PTPRO: variants seen among roughly 807,000 people sequenced by gnomAD.
The protein encoded by PTPRO is protein tyrosine phosphatase receptor type O.
A neutral mutation model predicts 145.2 loss-of-function variants in PTPRO; 62 were observed. The ratio of observed to expected loss-of-function variants is 0.43; its 90% confidence interval spans 0.35 to 0.53. The LOEUF is 0.53. Ranked by LOEUF, PTPRO falls within the 20% of genes least tolerant of loss-of-function variation. The probability of loss-of-function intolerance (pLI) is 0.01; values close to 1 mark genes in which losing one functional copy is unlikely to be tolerated. For missense variants in PTPRO, 1,345 were observed against 1,482.7 expected (o/e 0.91, Z 1.53); for synonymous variants, 565 against 514.7 (o/e 1.10, Z -1.32).
At chr12:15,478,312 G>A (rs916212784) in intron 1 of PTPRO, among the ~76,000 whole-genome samples, 1 of 152,150 alleles carries the variant, frequency 6.6e-6, no homozygotes, top group Non-Finnish European at 1.5e-5. Flanking sequence ...GTCATATTAA[G>A]GATACTGACA....
chr12:15,415,703 T>C (rs1939952650), intron 1 of PTPRO, among the ~76,000 whole-genome samples: 1 of 151,778 alleles, frequency 6.6e-6, no homozygotes, highest in African/African-American at 2.4e-5. Flanking sequence ...ATGAATTTAT[T>C]ACACACTCCA....
rs142308384 is a variant in PTPRO, at chr12:15,572,721, T to C, written c.2829+3223T>C. On this transcript the variant is annotated intron_variant, in intron 19 of 26. Coordinates refer to ENST00000281171, the MANE Select transcript of PTPRO (RefSeq NM_030667.3). ...AAAAAATAATCATGTTCTGCTTTTT[T>C]TTAAGTACATTTTCTCATCACCTTA... Among the ~76,000 whole-genome samples, 266 of 152,324 alleles carry C rather than the reference T, an allele frequency of 1.7e-3. 2 individuals are homozygous for C. The highest frequency in any genetic ancestry group is 6.0e-3 in the African/African-American group (250 of 41,574).
chr12:15,546,015 CA>C lies in PTPRO; in HGVS notation c.2165-539del, dbSNP rs57464176. Among the ~76,000 whole-genome samples the C allele has an allele frequency of 5.2e-3, 696 of 133,236 alleles. 5 individuals are homozygous for C. The highest frequency in any genetic ancestry group is 5.5e-3 in the African/African-American group (203 of 36,924). The allele number at this position is 133,236 out of a possible 152,430, so 87.4% of individuals were successfully genotyped here. On this transcript the variant is annotated intron_variant, in intron 12 of 26. Coordinates refer to ENST00000281171, the MANE Select transcript of PTPRO (RefSeq NM_030667.3). ...GGGTGACAGAGTGAGACCCCCGCCTCAAAAAAAAAAAAAAATGATACTATCT... is the reference window on the plus strand; with the variant it reads ...GGGTGACAGAGTGAGACCCCCGCCTCAAAAAAAAAAAAAATGATACTATCT...
chr12:15,379,596 A>G (rs1409661853), intron 1 of PTPRO, among the ~76,000 whole-genome samples: 1 of 151,984 alleles, frequency 6.6e-6, no homozygotes, highest in Admixed American at 6.6e-5. Flanking sequence ...ATAATGGAAT[A>G]TCATTTGGCA....
At chr12:15,405,870 A>G (rs1216329937) in intron 1 of PTPRO, among the ~76,000 whole-genome samples, 4 of 152,222 alleles carry the variant, frequency 2.6e-5, no homozygotes, top group Non-Finnish European at 4.4e-5. Context: ...GAACCAAGGG[A>G]GAAAGACATG....
At chr12:15,482,070 A>G (rs1941789537) in intron 1 of PTPRO, among the ~76,000 whole-genome samples, 3 of 152,124 alleles carry the variant, frequency 2.0e-5, no homozygotes, top group African/African-American at 7.2e-5. Flanking sequence ...TGTCTATTGC[A>G]GTACTCTTCA....
chr12:15,496,538 A>G (rs1942112140), intron 2 of PTPRO, among the ~76,000 whole-genome samples: 1 of 152,086 alleles, frequency 6.6e-6, no homozygotes, highest in African/African-American at 2.4e-5. Context: ...TTTGCAGGAG[A>G]GTGGGAGGGG....
intron 1 of PTPRO, among the ~76,000 whole-genome samples, chr12:15,478,923 G>T (rs1310423978): frequency 1.3e-5 from 2 of 152,048 alleles, no homozygotes; most frequent in Admixed American, 6.5e-5. Context: ...CGCCCGCCTC[G>T]GCCTCCCAAA....
intron 25 of PTPRO, among the ~76,000 whole-genome samples, chr12:15,593,297 C>T (rs758932152): frequency 2.0e-5 from 3 of 152,182 alleles, no homozygotes; most frequent in Non-Finnish European, 2.9e-5. Flanking sequence ...ACACAGGAAG[C>T]TTCTTAAAAT....
At chr12:15,532,778 G>A (rs1039826489) in intron 12 of PTPRO, among the ~76,000 whole-genome samples, 1 of 152,146 alleles carries the variant, frequency 6.6e-6, no homozygotes, top group African/African-American at 2.4e-5. Context: ...TCTGACCTCT[G>A]TGGGTGTAAA....
chr12:15,376,240 A>T (rs1938683332), intron 1 of PTPRO, among the ~76,000 whole-genome samples: 1 of 152,204 alleles, frequency 6.6e-6, no homozygotes, highest in African/African-American at 2.4e-5. Context: ...AAAAAATTTA[A>T]TGAGATTAAT....
chr12:15,431,530 A>G (rs1940438797), intron 1 of PTPRO, among the ~76,000 whole-genome samples: 1 of 152,208 alleles, frequency 6.6e-6, no homozygotes, highest in South Asian at 2.1e-4. Flanking sequence ...CAAATTGCCA[A>G]ACTAAGACAG....
intron 12 of PTPRO, among the ~76,000 whole-genome samples, chr12:15,540,347 A>T (rs780347791): frequency 4.6e-5 from 7 of 152,264 alleles, no homozygotes; most frequent in Admixed American, 6.5e-5. Context: ...TATGCTTTGC[A>T]TATGAAGAGC....
chr12:15,545,422 A>T (rs1242273057), intron 12 of PTPRO, among the ~76,000 whole-genome samples: 2 of 151,224 alleles, frequency 1.3e-5, no homozygotes, highest in Non-Finnish European at 2.9e-5. Flanking sequence ...GTTCAGGCAC[A>T]GCACTCTGCA....
At chr12:15,571,008 A>G (rs1254569153) in intron 19 of PTPRO, among the ~76,000 whole-genome samples, 1 of 152,172 alleles carries the variant, frequency 6.6e-6, no homozygotes, top group Non-Finnish European at 1.5e-5. Flanking sequence ...CATAGCTCAA[A>G]CTTGTTTAAA....
intron 16 of PTPRO, among the ~76,000 whole-genome samples, chr12:15,559,242 T>C (rs1362829597): frequency 6.6e-6 from 1 of 152,204 alleles, no homozygotes; most frequent in Admixed American, 6.5e-5. Context: ...TCAGGATCTT[T>C]CTATAAAATC....
chr12:15,386,670 GA>G (rs927390081), intron 1 of PTPRO, among the ~76,000 whole-genome samples: 1 of 152,148 alleles, frequency 6.6e-6, no homozygotes, highest in Non-Finnish European at 1.5e-5. Flanking sequence ...ATATAAAGGT[GA>G]AAAAATATTC....
At position 15,502,001 on chromosome 12, in the gene PTPRO, C is replaced by A; in HGVS notation, c.1043C>A (p.Thr348Asn). The change falls in exon 5 of 27, where the codon ACC becomes AAC. Residue 348 changes from threonine (T) to asparagine (N), a missense_variant. Transcript: ENST00000281171. The stretch of plus-strand genomic sequence containing the variant: ...TTTTTCCCTGTGCAAATGATATTGA[C>A]CTGGTTACCACCCAAACCACCCACT... ...FSFFPVQMIL[T>N]WLPPKPPTAF... 6.2e-7 allele frequency: 1 copy of A among 1,613,926 alleles called. No individual in the cohort carries two copies. Among genetic ancestry groups the A allele is most frequent in the South Asian group, 1.1e-5 (1 of 91,058 alleles).
At chr12:15,484,325 C>T in intron 2 of PTPRO, 78 bp downstream of exon 2, 1 of 1,550,838 alleles carries the variant, frequency 6.4e-7, no homozygotes, top group South Asian at 1.1e-5. Flanking sequence ...AATTGACAGA[C>T]TCCACCCAGA....
Sources: allele counts gnomAD v4.1 joint callset (sites outside exome capture counted in the v4.1 genomes callset), GRCh38; gene constraint gnomAD v4.1.1; transcripts MANE v1.5; gene names NCBI Gene and HGNC (gene_info 2026-07-23, HGNC 2026-07-21).